Variants in DOCK10 observed in about 807,000 individuals in gnomAD.
DOCK10 encodes dedicator of cytokinesis 10.
DOCK10 carries 145 observed loss-of-function variants against 280.1 expected under a neutral mutation model. That is an observed-to-expected ratio of 0.52 (90% confidence interval 0.45 to 0.59). The LOEUF (loss-of-function observed/expected upper bound fraction) is 0.59. DOCK10 is among the 20% of genes least tolerant of loss of function. The probability of loss-of-function intolerance (pLI) is 0.00; values close to 1 mark genes in which losing one functional copy is unlikely to be tolerated. For synonymous variants in DOCK10, 915 were observed against 942.2 expected (o/e 0.97, Z 0.53); for missense variants, 2,368 against 2,651.7 (o/e 0.89, Z 2.35).
chr2:224,855,895 A>C (rs1331847975), intron 15 of DOCK10, among the ~76,000 whole-genome samples: 2 of 152,248 alleles, frequency 1.3e-5, no homozygotes, highest in East Asian at 1.9e-4. Flanking sequence ...AAATTATATT[A>C]AACACAAAGG....
intron 1 of DOCK10, among the ~76,000 whole-genome samples, chr2:224,967,281 C>T (rs538135916): frequency 4.7e-4 from 71 of 151,824 alleles, no homozygotes; most frequent in South Asian, 3.7e-3. Context: ...GGGGTTTCAC[C>T]GTGTTAGTCA....
At position 224,805,433 on chromosome 2, in the gene DOCK10, C is replaced by A; in HGVS notation, c.3911G>T (p.Ser1304Ile). ...CTTTTCACAGTTGTCCGTCTTCTCA[C>A]TGCTCTTCTCATTGGTACTTGGATT... ...DSNPSTNEKS[S>I]EKTDNCEKIP... The change falls in exon 35 of 56, where the codon AGT (serine) becomes ATT (isoleucine). Residue 1304 changes from serine (S) to isoleucine (I), a missense_variant. Ser to Ile is a moderately radical substitution (Grantham distance 142). Coordinates refer to ENST00000258390, the MANE Select transcript of DOCK10 (RefSeq NM_014689.3). This position sits in a 1 kb window ranked among gnomAD's most constrained non-coding sequence, Gnocchi z 4.3. The A allele has an allele frequency of 6.2e-7, 1 of 1,612,840 alleles. No individual in the cohort carries two copies. Among genetic ancestry groups the A allele is most frequent in the Middle Eastern group, 1.7e-4 (1 of 6,054 alleles).
At chr2:224,925,325 C>T (rs62187988) in intron 2 of DOCK10, among the ~76,000 whole-genome samples, 35,100 of 152,096 alleles carry the variant, frequency 0.23, 4,545 homozygotes, top group Non-Finnish European at 0.28. Context: ...TTGCTAAAGA[C>T]ATACTATGAA....
chr2:224,824,839 T>C (rs891716585), intron 27 of DOCK10, among the ~76,000 whole-genome samples: 1 of 152,128 alleles, frequency 6.6e-6, no homozygotes. Context: ...TACACTGAAC[T>C]GTGTATTTCT....
intron 19 of DOCK10, among the ~76,000 whole-genome samples, chr2:224,846,132 T>C (rs1251832021): frequency 1.3e-5 from 2 of 152,272 alleles, no homozygotes; most frequent in Non-Finnish European, 2.9e-5. Flanking sequence ...CACATGTTGA[T>C]ATTTTTACTT....
At chr2:224,831,898 C>T (rs1169204205) in intron 26 of DOCK10, among the ~76,000 whole-genome samples, 2 of 152,046 alleles carry the variant, frequency 1.3e-5, no homozygotes, top group East Asian at 3.9e-4. Context: ...TCTTGGGGTT[C>T]CTTACAGGTC....
chr2:224,964,620 T>G (rs184633166), intron 1 of DOCK10, among the ~76,000 whole-genome samples: 1 of 152,192 alleles, frequency 6.6e-6, no homozygotes, highest in African/African-American at 2.4e-5. Context: ...TCGGCCCACC[T>G]TGGCCTTCCA....
At chr2:224,901,978 A>G (rs1337922986) in intron 3 of DOCK10, among the ~76,000 whole-genome samples, 1 of 152,236 alleles carries the variant, frequency 6.6e-6, no homozygotes, top group Non-Finnish European at 1.5e-5. Flanking sequence ...TGTTAAATCA[A>G]TGATCATCTG....
At chr2:225,031,484 C>A (rs1300167650) in intron 1 of DOCK10, among the ~76,000 whole-genome samples, 2 of 152,180 alleles carry the variant, frequency 1.3e-5, no homozygotes, top group African/African-American at 4.8e-5. Flanking sequence ...AGTCTTGAGA[C>A]CCTCTGAAAT....
chr2:224,896,387 AG>A lies in DOCK10; in HGVS notation c.334-11del. On this transcript the variant is annotated splice_polypyrimidine_tract_variant and intron_variant, in intron 3 of 55. Transcript: ENST00000258390. ...TATAAAATTTACAAGCCTGAAAGAA[AG>A]AAAAATGACAATTATTAATATAAAA... is the stretch of plus-strand genomic sequence containing the variant. 6.6e-7 allele frequency: 1 copy of A among 1,520,116 alleles called. No homozygotes were observed. Among genetic ancestry groups the A allele is most frequent in the Admixed American group, 1.8e-5 (1 of 55,610 alleles). The allele number at this position is 1,520,116 out of a possible 1,614,324, so 94.2% of individuals were successfully genotyped here. A position where few individuals can be genotyped will look rare whatever the true frequency, so the allele number is the denominator to read the frequency against.
In DOCK10 at chr2:224,885,680, T is replaced by A. The variant is rs528499268; in HGVS notation, c.738A>T (p.Gly246=). The A allele has an allele frequency of 6.2e-7, 1 of 1,608,372 alleles. No individual in the cohort carries two copies. The highest frequency in any genetic ancestry group is 1.3e-5 in the African/African-American group (1 of 74,956). ...KGCIFLDSCT[G]VVQNNRLRKY... is the part of the protein sequence containing the mutation. ...AGGGATGTCTACTCACCTGCACCAC[T>A]CCTGTACAGGAATCCAAAAAGATGC... Residue 246 remains glycine (G), a synonymous_variant, in exon 7 of 56, where the codon GGA becomes GGT. Coordinates refer to ENST00000258390, the MANE Select transcript of DOCK10 (RefSeq NM_014689.3).
intron 25 of DOCK10, among the ~76,000 whole-genome samples, chr2:224,835,572 C>T (rs762469893): frequency 9.2e-5 from 14 of 152,294 alleles, no homozygotes; most frequent in Admixed American, 7.2e-4. Context: ...CATTCAAGCA[C>T]GCACTGTAAC....
chr2:225,022,938 G>T (rs1473276490), intron 1 of DOCK10, among the ~76,000 whole-genome samples: 3 of 152,160 alleles, frequency 2.0e-5, no homozygotes, highest in Non-Finnish European at 4.4e-5. Context: ...TTTGATGATG[G>T]AAAGATACTG....
chr2:224,824,832 A>C (rs1694735751), intron 27 of DOCK10, among the ~76,000 whole-genome samples: 1 of 152,076 alleles, frequency 6.6e-6, no homozygotes, highest in African/African-American at 2.4e-5. Context: ...TTAGAGTTAC[A>C]CTGAACTGTG....
At chr2:224,830,681 C>A (rs1404272704) in intron 26 of DOCK10, 69 bp from the exon 27 acceptor site, 2 of 882,522 alleles carry the variant, frequency 2.3e-6, no homozygotes, top group African/African-American at 1.7e-5. Flanking sequence ...TTTTTCTTTG[C>A]AATATGTAAT....
intron 1 of DOCK10, among the ~76,000 whole-genome samples, chr2:225,015,190 T>C (rs1454658042): frequency 1.3e-5 from 2 of 152,190 alleles, no homozygotes; most frequent in East Asian, 3.9e-4. Context: ...CTTACTAATA[T>C]AGCCAATACA....
intron 2 of DOCK10, among the ~76,000 whole-genome samples, chr2:224,925,831 C>CT (rs1305775835): frequency 6.6e-6 from 1 of 152,162 alleles, no homozygotes; most frequent in African/African-American, 2.4e-5. Context: ...ACTTTCTCAA[C>CT]TTTTTTTCTG....
chr2:225,038,237 C>A (rs2106145723), intron 1 of DOCK10, among the ~76,000 whole-genome samples: 1 of 151,578 alleles, frequency 6.6e-6, no homozygotes, highest in African/African-American at 2.4e-5. Context: ...CTGCATCTAG[C>A]ATATGACTTT....
intron 1 of DOCK10, among the ~76,000 whole-genome samples, chr2:224,961,412 C>CTCCTTCTT (rs1704390033): frequency 8.4e-6 from 1 of 119,382 alleles, no homozygotes; most frequent in Admixed American, 8.8e-5. Flanking sequence ...TTCTTTCTTT[C>CTCCTTCTT]TCTTTCTTTC....
Sources: allele counts gnomAD v4.1 joint callset (sites outside exome capture counted in the v4.1 genomes callset), GRCh38; gene constraint gnomAD v4.1.1; non-coding constraint Gnocchi (gnomAD v3.1); transcripts MANE v1.5; gene names NCBI Gene and HGNC (gene_info 2026-07-23, HGNC 2026-07-21).